GSPT1: variants seen among roughly 807,000 people sequenced by gnomAD.
GSPT1 encodes G1 to S phase transition 1, also known as eukaryotic peptide chain release factor GTP-binding subunit ERF3A.
Under a neutral mutation model 72.5 loss-of-function variants are expected in GSPT1, and 20 were observed. The observed-to-expected ratio is 0.28, with a 90% CI of 0.19 to 0.40. GSPT1 has a LOEUF of 0.40. Among genes scored for constraint, GSPT1 ranks in the 10% least tolerant of loss-of-function variants. GSPT1 has a pLI of 1.00. For synonymous variants in GSPT1, 334 were observed against 293.5 expected (o/e 1.14, Z -1.41); for missense variants, 580 against 811.9 (o/e 0.71, Z 3.47).
chr16:11,896,896 C>A, intron 3 of GSPT1, 111 bp from the exon 4 acceptor site: 1 of 718,816 alleles, frequency 1.4e-6, no homozygotes, highest in Non-Finnish European at 2.3e-6. Flanking sequence ...GTTCCATTTC[C>A]TAATGCCTAG....
At chr16:11,884,680 C>G (rs2054164798) in intron 10 of GSPT1, among the ~76,000 whole-genome samples, 1 of 150,860 alleles carries the variant, frequency 6.6e-6, no homozygotes, top group African/African-American at 2.4e-5. Context: ...TGGAGAATCT[C>G]TTGAACCTGG....
intron 1 of GSPT1, among the ~76,000 whole-genome samples, chr16:11,899,956 A>G (rs1355388565): frequency 6.6e-6 from 1 of 152,190 alleles, no homozygotes; most frequent in Admixed American, 6.5e-5. Flanking sequence ...TAATTTGTTT[A>G]GTGTCAGTTA....
Position 11,907,482 on chromosome 16 carries a change from C to G in GSPT1, c.352+7887G>C, listed in dbSNP as rs76023105. 3.0e-4 allele frequency among the ~76,000 whole-genome samples: 45 copies of G among 152,254 alleles called. 2 individuals are homozygous for G. The East Asian group carries it at 8.3e-3, about 28-fold the overall frequency. ...TGGTAAATGCTCAATAAATTTATTACAGCAAGCACTTCAAAGCCCCAAAAT... is the reference window on the plus strand; with the variant it reads ...TGGTAAATGCTCAATAAATTTATTAGAGCAAGCACTTCAAAGCCCCAAAAT... On this transcript the variant is annotated intron_variant, in intron 1 of 14. Coordinates refer to ENST00000434724, the MANE Select transcript of GSPT1 (RefSeq NM_002094.4).
intron 9 of GSPT1, among the ~76,000 whole-genome samples, chr16:11,885,727 A>G (rs1002553389): frequency 6.6e-6 from 1 of 152,116 alleles, no homozygotes; most frequent in Non-Finnish European, 1.5e-5. Flanking sequence ...ATCTGTCTCT[A>G]CTAAAAATAC....
chr16:11,912,294 G>A (rs539080389), intron 1 of GSPT1, among the ~76,000 whole-genome samples: 1 of 146,844 alleles, frequency 6.8e-6, no homozygotes, highest in Non-Finnish European at 1.5e-5. Flanking sequence ...GTTGTAGTCA[G>A]CCGAGATCGT....
At chr16:11,904,678 C>T (rs982063369) in intron 1 of GSPT1, among the ~76,000 whole-genome samples, 7 of 151,928 alleles carry the variant, frequency 4.6e-5, no homozygotes, top group Admixed American at 1.3e-4. Flanking sequence ...AAAAAAGCTA[C>T]GTTTTGATTC....
chr16:11,890,207 G>A lies in GSPT1; in HGVS notation c.776+855C>T, dbSNP rs566155709. Among the ~76,000 whole-genome samples, 322 of 150,204 alleles carry A rather than the reference G, an allele frequency of 2.1e-3. 1 individual carries two copies. The highest frequency in any genetic ancestry group is 7.0e-3 in the African/African-American group (284 of 40,860). ...GATCTCCTGACCTCGTGATCCGCCC[G>A]TCTTGGCCTCCCAAAGTGCTGAGAT... On this transcript the variant is annotated intron_variant, in intron 6 of 14. Coordinates refer to ENST00000434724, the MANE Select transcript of GSPT1 (RefSeq NM_002094.4).
At chr16:11,892,812 C>T (rs1433164710) in intron 5 of GSPT1, among the ~76,000 whole-genome samples, 5 of 94,980 alleles carry the variant, frequency 5.3e-5, no homozygotes, top group African/African-American at 1.4e-4. Flanking sequence ...CCAGCCTGGG[C>T]GATAGAGATT....
At chr16:11,912,700 T>G (rs1412596224) in intron 1 of GSPT1, among the ~76,000 whole-genome samples, 2 of 152,208 alleles carry the variant, frequency 1.3e-5, no homozygotes, top group African/African-American at 4.8e-5. Context: ...AATTGCAACT[T>G]AAATACATCC....
intron 14 of GSPT1, among the ~76,000 whole-genome samples, chr16:11,874,813 G>T (rs2054019795): frequency 6.6e-6 from 1 of 152,186 alleles, no homozygotes; most frequent in Non-Finnish European, 1.5e-5. Context: ...ATGAACATGT[G>T]AAATGACTAT....
In GSPT1 at chr16:11,915,723, T is replaced by C. The variant is rs1239375124; in HGVS notation, c.-3A>G. On this transcript the variant is annotated 5_prime_UTR_variant, in exon 1 of 15. Coordinates refer to ENST00000434724, the MANE Select transcript of GSPT1 (RefSeq NM_002094.4). ...CCGCCGCCACTGCCCGGATCCATGA[T>C]CGGGGGGGCCGTGTGTGTGGTGGAC... The C allele has an allele frequency of 6.6e-7, 1 of 1,513,266 alleles. No homozygotes were observed. Among genetic ancestry groups the C allele is most frequent in the Non-Finnish European group, 8.8e-7 (1 of 1,137,438 alleles). 93.7% of individuals were successfully genotyped at this position (1,513,266 alleles called of 1,614,324 possible).
chr16:11,903,220 C>T (rs1295549611), intron 1 of GSPT1, among the ~76,000 whole-genome samples: 3 of 152,046 alleles, frequency 2.0e-5, no homozygotes, highest in Admixed American at 2.0e-4. Flanking sequence ...AACTATCAAT[C>T]CAGTTTCAAG....
intron 1 of GSPT1, 72 bp downstream of exon 1, chr16:11,915,297 C>G: frequency 7.5e-7 from 1 of 1,333,530 alleles, no homozygotes; most frequent in Non-Finnish European, 9.6e-7. Flanking sequence ...GCCGCGCGCC[C>G]CCGGACCGCA....
In GSPT1 at chr16:11,868,132, A is replaced by G. The variant is rs1260649167; in HGVS notation, c.*4987T>C. ...GTAATTACAAACGACAAATCCTTCA[A>G]AAGGGAAGATGACAACTTTTATTGT... is the stretch of plus-strand genomic sequence containing the variant. On this transcript the variant is annotated 3_prime_UTR_variant, in exon 15 of 15. Coordinates refer to ENST00000434724, the MANE Select transcript of GSPT1 (RefSeq NM_002094.4). 1.3e-5 allele frequency: 2 copies of G among 152,210 alleles called. No individual in the cohort carries two copies. Among genetic ancestry groups the G allele is most frequent in the Admixed American group, 6.5e-5 (1 of 15,272 alleles). The allele number at this position is 152,210 out of a possible 1,614,324, so 9.4% of individuals were successfully genotyped here.
chr16:11,915,704 C>CCGA lies in GSPT1; in HGVS notation c.16_17insTCG (p.Ser5_Gly6insVal). The CCGA allele has an allele frequency of 6.7e-7, 1 of 1,503,528 alleles. No homozygotes were observed. The allele number at this position is 1,503,528 out of a possible 1,614,324, so 93.1% of individuals were successfully genotyped here. A position where few individuals can be genotyped will look rare whatever the true frequency, so the allele number is the denominator to read the frequency against. Reference sequence around the variant, plus strand: ...GCCGCCGCCGCCGCCGCCGCCGCCGCCACTGCCCGGATCCATGATCGGGGG... The same window carrying CCGA: ...GCCGCCGCCGCCGCCGCCGCCGCCGCCGACACTGCCCGGATCCATGATCGGGGG... On this transcript the variant is annotated inframe_insertion, in exon 1 of 15. Transcript: ENST00000434724.
At chr16:11,900,795 C>A (rs2054396186) in intron 1 of GSPT1, among the ~76,000 whole-genome samples, 1 of 152,112 alleles carries the variant, frequency 6.6e-6, no homozygotes, top group Non-Finnish European at 1.5e-5. Flanking sequence ...AGTACTTACA[C>A]CTGACCACTT....
At chr16:11,909,107 T>C (rs1246478220) in intron 1 of GSPT1, among the ~76,000 whole-genome samples, 2 of 151,608 alleles carry the variant, frequency 1.3e-5, no homozygotes, top group Non-Finnish European at 2.9e-5. Flanking sequence ...TTTTTTCAAG[T>C]GAAGCGACAT....
At chr16:11,904,493 C>T (rs145874082) in intron 1 of GSPT1, among the ~76,000 whole-genome samples, 25 of 152,174 alleles carry the variant, frequency 1.6e-4, no homozygotes, top group African/African-American at 5.5e-4. Context: ...TGAGCCACTG[C>T]GCCCAGCCAG....
In GSPT1 at chr16:11,877,328, A is replaced by T; in HGVS notation, c.1602+79T>A. On this transcript the variant is annotated intron_variant, in intron 12 of 14. Transcript: ENST00000434724. This position sits in a 1 kb window ranked among gnomAD's most constrained non-coding sequence, Gnocchi z 4.0. ...ATGGGTTAACTGGCATGTCACAAAT[A>T]ATCAGGACAAAAGGCACTGATATTC... 1.0e-6 allele frequency: 1 copy of T among 977,394 alleles called. No individual in the cohort carries two copies. The highest frequency in any genetic ancestry group is 1.5e-6 in the Non-Finnish European group (1 of 668,440). 60.5% of individuals were successfully genotyped at this position (977,394 alleles called of 1,614,324 possible). A position where few individuals can be genotyped will look rare whatever the true frequency, so the allele number is the denominator to read the frequency against.
Sources: gnomAD v4.1 joint callset for allele counts (sites outside exome capture counted in the v4.1 genomes callset) on GRCh38, gnomAD v4.1.1 for gene constraint, Gnocchi (gnomAD v3.1) non-coding constraint, MANE v1.5 for transcripts, NCBI Gene and HGNC (gene_info 2026-07-23, HGNC 2026-07-21) for gene names.